The following AMDHD1 variants were observed in gnomAD, a reference collection of about 807,000 sequenced individuals.
The protein encoded by AMDHD1 is amidohydrolase domain containing 1.
In AMDHD1, 45 loss-of-function variants were observed where a neutral mutation model predicts 44.1. The observed-to-expected ratio is 1.02, with a 90% CI of 0.80 to 1.31. AMDHD1 has a LOEUF of 1.31. AMDHD1 is among the 50% of genes most tolerant of loss of function. The pLI is 0.00. For missense variants in AMDHD1, 586 were observed against 552.1 expected (o/e 1.06, Z -0.61); for synonymous variants, 206 against 205.0 (o/e 1.00, Z -0.04).
chr12:95,959,528 C>T (rs1237781272), intron 4 of AMDHD1, among the ~76,000 whole-genome samples: 4 of 152,100 alleles, frequency 2.6e-5, no homozygotes, highest in Non-Finnish European at 5.9e-5. Context: ...TTTGCCTCAG[C>T]CTCCCCAGTT....
chr12:95,956,606 T>C (rs1359358333), intron 3 of AMDHD1, 79 bp from the exon 4 acceptor site: 1 of 1,556,200 alleles, frequency 6.4e-7, no homozygotes, highest in Non-Finnish European at 8.7e-7. Flanking sequence ...TTATATAATA[T>C]TGCCCCTGGA....
At chr12:95,951,264 C>T (rs531597788) in intron 1 of AMDHD1, among the ~76,000 whole-genome samples, 4 of 152,218 alleles carry the variant, frequency 2.6e-5, no homozygotes, top group East Asian at 3.9e-4. Flanking sequence ...CTCTGGTAAC[C>T]ATCATTTTAC....
rs1473685743 is a variant in AMDHD1 at position 95,948,523 on chromosome 12, C to T, written c.138-4194C>T. On this transcript the variant is annotated intron_variant, in intron 1 of 8. Coordinates refer to ENST00000266736, the MANE Select transcript of AMDHD1 (RefSeq NM_152435.3). ...CAGCCCCCCGCCCGGCCAGCTGCCC[C>T]GTCCGGGAGGGAGGTGGGGGGGGGG... Among the ~76,000 whole-genome samples the T allele has an allele frequency of 7.9e-5, 6 of 76,284 alleles. 2 individuals are homozygous for T. The highest frequency in any genetic ancestry group is 1.5e-4 in the Non-Finnish European group (6 of 39,520). The allele number at this position is 76,284 out of a possible 152,430, so 50.0% of individuals were successfully genotyped here. A position where few individuals can be genotyped will look rare whatever the true frequency, so the allele number is the denominator to read the frequency against.
intron 6 of AMDHD1, among the ~76,000 whole-genome samples, chr12:95,963,584 C>T (rs2080593915): frequency 6.6e-6 from 1 of 152,134 alleles, no homozygotes; most frequent in Non-Finnish European, 1.5e-5. Context: ...AGAGTAAACA[C>T]AATGTAGACT....
At position 95,962,407 on chromosome 12, in the gene AMDHD1, A is replaced by C; in HGVS notation, c.866A>C (p.Asp289Ala). Residue 289 changes from aspartate (D) to alanine (A), a missense_variant, in exon 6 of 9, where the codon GAT becomes GCT. Transcript: ENST00000266736. ...ATCAGCCACCTGGAAGAAGTGAGTG[A>C]TGAAGGCATCGTTGCCATGGCAACG... ...QAISHLEEVSDEGIVAMATAR... is the reference protein window; with the variant it reads ...QAISHLEEVSAEGIVAMATAR... The C allele has an allele frequency of 6.2e-7, 1 of 1,614,038 alleles. No individual in the cohort carries two copies. Among genetic ancestry groups the C allele is most frequent in the East Asian group, 2.2e-5 (1 of 44,874 alleles).
At chr12:95,961,079 A>T (rs2080579174) in intron 5 of AMDHD1, among the ~76,000 whole-genome samples, 1 of 147,738 alleles carries the variant, frequency 6.8e-6, no homozygotes, top group South Asian at 2.1e-4. Flanking sequence ...TGGGAGGCAC[A>T]GGTTGCAGTG....
In AMDHD1 at chr12:95,954,941, G is replaced by A. The variant is rs369486244; in HGVS notation, c.275G>A (p.Trp92Ter). ...GLVDAHTHPV[W>*]AGERVHEFAM... is the part of the protein sequence containing the mutation. ...GTGGATGCACACACACATCCAGTAT[G>A]GGCTGGTGAAAGAGTTCACGAATTT... Residue 92 changes from tryptophan to a stop codon, truncating the protein, a stop_gained, in exon 3 of 9, where the codon TGG becomes TAG. Coordinates refer to ENST00000266736, the MANE Select transcript of AMDHD1 (RefSeq NM_152435.3). LOFTEE classifies it high-confidence loss of function. 6.2e-7 allele frequency: 1 copy of A among 1,614,152 alleles called. No homozygotes were observed. Among genetic ancestry groups the A allele is most frequent in the Admixed American group, 1.7e-5 (1 of 60,024 alleles).
intron 1 of AMDHD1, 125 bp downstream of exon 1, chr12:95,943,660 C>A (rs1455058370): frequency 7.7e-7 from 1 of 1,290,672 alleles, no homozygotes; most frequent in Non-Finnish European, 1.0e-6. Flanking sequence ...CACGGGCAAG[C>A]CAGCCTTTGG....
At chr12:95,951,543 A>G (rs533806432) in intron 1 of AMDHD1, among the ~76,000 whole-genome samples, 18 of 152,314 alleles carry the variant, frequency 1.2e-4, no homozygotes, top group African/African-American at 1.4e-4. Flanking sequence ...TAGTGCTGCA[A>G]TTAACATGGG....
At chr12:95,952,044 A>G (rs2080527885) in intron 1 of AMDHD1, among the ~76,000 whole-genome samples, 1 of 151,944 alleles carries the variant, frequency 6.6e-6, no homozygotes, top group Non-Finnish European at 1.5e-5. Context: ...GTTTCTTCAC[A>G]TTGTTGATTA....
rs1183340081 is a variant in AMDHD1, at chr12:95,943,413, C to G, written c.15C>G (p.His5Gln). 1 of 1,500,922 alleles carries G rather than the reference C, an allele frequency of 6.7e-7. No homozygotes were observed. The highest frequency in any genetic ancestry group is 8.8e-7 in the Non-Finnish European group (1 of 1,132,100). 93.0% of individuals were successfully genotyped at this position (1,500,922 alleles called of 1,614,324 possible). A position where few individuals can be genotyped will look rare whatever the true frequency, so the allele number is the denominator to read the frequency against. ...CGCGAGGCGACATGGCAAGCGGCCA[C>G]AGCCTCCTGCTGGAGAACGCGCAGC... MASGHSLLLENAQQV... is the reference protein window; with the variant it reads MASGQSLLLENAQQV... The change falls in exon 1 of 9, where the codon CAC becomes CAG. Residue 5 changes from histidine (H) to glutamine (Q), a missense_variant. Transcript: ENST00000266736.
chr12:95,957,023 T>C, intron 4 of AMDHD1, 61 bp downstream of exon 4: 1 of 1,592,426 alleles, frequency 6.3e-7, no homozygotes, highest in Non-Finnish European at 8.6e-7. Flanking sequence ...ACCCCGGGGG[T>C]GGAGGCGCAT....
chr12:95,960,624 G>T lies in AMDHD1; in HGVS notation c.813+1G>T. The T allele has an allele frequency of 6.2e-7, 1 of 1,611,480 alleles. No individual in the cohort carries two copies. The highest frequency in any genetic ancestry group is 8.5e-7 in the Non-Finnish European group (1 of 1,178,134). ...ACTCCACCCGATGAAGGCTGCTGAG[G>T]TGTGGTTGACTTTTAGTTTTTCCCT... On this transcript the variant is annotated splice_donor_variant, in intron 5 of 8. Coordinates refer to ENST00000266736, the MANE Select transcript of AMDHD1 (RefSeq NM_152435.3). LOFTEE classifies it high-confidence loss of function.
chr12:95,960,731 G>T, intron 5 of AMDHD1, 108 bp downstream of exon 5: 1 of 1,174,194 alleles, frequency 8.5e-7, no homozygotes, highest in Non-Finnish European at 1.2e-6. Context: ...TATTGAATGG[G>T]GAAATTTGTT....
At chr12:95,949,439 C>T (rs1250929075) in intron 1 of AMDHD1, among the ~76,000 whole-genome samples, 1 of 152,138 alleles carries the variant, frequency 6.6e-6, no homozygotes, top group Non-Finnish European at 1.5e-5. Context: ...TTTCAGAAGA[C>T]TCTGCAGAAT....
chr12:95,957,010 C>T (rs776504237), intron 4 of AMDHD1, 48 bp downstream of exon 4: 3 of 1,603,086 alleles, frequency 1.9e-6, no homozygotes, highest in Non-Finnish European at 2.6e-6. Flanking sequence ...GCATTGAAAA[C>T]GAACCCCGGG....
At chr12:95,962,122 T>C (rs1592826080) in intron 5 of AMDHD1, among the ~76,000 whole-genome samples, 4 of 152,120 alleles carry the variant, frequency 2.6e-5, no homozygotes, top group African/African-American at 9.7e-5. Context: ...AAAAGTTAGC[T>C]GGGCATGGTG....
rs765552693 is a variant in AMDHD1 at position 95,960,519 on chromosome 12, G to A, written c.709G>A (p.Val237Ile). The change falls in exon 5 of 9, where the codon GTC becomes ATC. Residue 237 changes from valine to isoleucine, a missense_variant. Transcript: ENST00000266736. ...DNIDVFCEKG[V>I]FDLDSTRRIL... ...TATAGACGTATTTTGTGAGAAAGGT[G>A]TCTTTGATCTCGATTCCACCAGAAG... The A allele has an allele frequency of 6.2e-7, 1 of 1,614,202 alleles. No homozygotes were observed. Among genetic ancestry groups the A allele is most frequent in the South Asian group, 1.1e-5 (1 of 91,090 alleles).
intron 6 of AMDHD1, among the ~76,000 whole-genome samples, chr12:95,964,371 T>C (rs2080598214): frequency 6.6e-6 from 1 of 152,236 alleles, no homozygotes; most frequent in Admixed American, 6.5e-5. Context: ...TTATGCTACT[T>C]AAGGGCTTGC....
Sources: gnomAD v4.1 joint callset for allele counts (sites outside exome capture counted in the v4.1 genomes callset) on GRCh38, gnomAD v4.1.1 for gene constraint, MANE v1.5 for transcripts, NCBI Gene and HGNC (gene_info 2026-07-23, HGNC 2026-07-21) for gene names.